The following TNFAIP8 variants were observed in gnomAD, a reference collection of about 807,000 sequenced individuals.
TNFAIP8 encodes the protein tumor necrosis factor alpha-induced protein 8.
Under a neutral mutation model 13.3 loss-of-function variants are expected in TNFAIP8, and 7 were observed. That is an observed-to-expected ratio of 0.52 (90% confidence interval 0.30 to 0.99). The LOEUF (loss-of-function observed/expected upper bound fraction) is 0.99, where lower values mean the gene tolerates loss of function less well. Ranked by LOEUF, TNFAIP8 falls within the 50% of genes least tolerant of loss-of-function variation. TNFAIP8 has a pLI of 0.07. For synonymous variants in TNFAIP8, 94 were observed against 87.6 expected (o/e 1.07, Z -0.41); for missense variants, 258 against 236.9 (o/e 1.09, Z -0.58).
chr5:119,364,550 G>A (rs918326759), intron 1 of TNFAIP8, among the ~76,000 whole-genome samples: 24 of 152,044 alleles, frequency 1.6e-4, no homozygotes, highest in African/African-American at 5.1e-4. Context: ...GTCTCACTTT[G>A]TTGCCTAGGC....
At chr5:119,383,052 GGGGACC>G (rs2112844176) in intron 1 of TNFAIP8, among the ~76,000 whole-genome samples, 1 of 152,298 alleles carries the variant, frequency 6.6e-6, no homozygotes, top group African/African-American at 2.4e-5. Flanking sequence ...CATCTCCAAA[GGGGACC>G]TTTGTGTACA....
intron 1 of TNFAIP8, among the ~76,000 whole-genome samples, chr5:119,350,427 G>A (rs531565971): frequency 2.0e-5 from 3 of 152,146 alleles, no homozygotes; most frequent in African/African-American, 7.2e-5. Flanking sequence ...GTATCCTCAA[G>A]GGTCTTGGAA....
intron 1 of TNFAIP8, among the ~76,000 whole-genome samples, chr5:119,322,895 A>T (rs187127307): frequency 1.1e-4 from 16 of 152,220 alleles, no homozygotes; most frequent in African/African-American, 3.6e-4. Context: ...ATGTTCTTTG[A>T]TGTCTCATAG....
rs1311818034 is a variant in TNFAIP8 at position 119,294,913 on chromosome 5, T to A, written c.1+26006T>A. On this transcript the variant is annotated intron_variant, in intron 1 of 1. Transcript: ENST00000274456. ...GATTGTTTTTCTCTTGTAAATTTGT[T>A]TGAGTTCATTGTAGATTCTGGATAT... is the stretch of plus-strand genomic sequence containing the variant. 8.6e-4 allele frequency among the ~76,000 whole-genome samples: 130 copies of A among 151,906 alleles called. 1 individual carries two copies. The highest frequency in any genetic ancestry group is 4.2e-4 in the South Asian group (2 of 4,810).
At position 119,388,742 on chromosome 5, in the gene TNFAIP8, G is replaced by A. The variant is rs561789178; in HGVS notation, c.32-4074G>A. ...CAGCTCTGTAGCCTTGAACTCCTGG[G>A]CTCGGGCAGTCCTCCCACCTCAGCC... On this transcript the variant is annotated intron_variant, in intron 1 of 1. Transcript: ENST00000504771. 1.1e-4 allele frequency among the ~76,000 whole-genome samples: 16 copies of A among 152,084 alleles called. 1 individual carries two copies. In the South Asian group the frequency reaches 2.3e-3, roughly 22 times the overall value.
intron 1 of TNFAIP8, among the ~76,000 whole-genome samples, chr5:119,336,706 TAATA>T (rs1378662450): frequency 1.3e-5 from 2 of 152,228 alleles, no homozygotes; most frequent in Non-Finnish European, 1.5e-5. Context: ...TATTTGGATA[TAATA>T]AATATAAAAT....
chr5:119,279,910 C>A (rs954237970), intron 1 of TNFAIP8, among the ~76,000 whole-genome samples: 4 of 152,052 alleles, frequency 2.6e-5, no homozygotes, highest in African/African-American at 9.7e-5. Context: ...AAACAGTGTT[C>A]GTAAGATGCT....
intron 1 of TNFAIP8, among the ~76,000 whole-genome samples, chr5:119,330,608 T>C (rs1750347442): frequency 6.6e-6 from 1 of 152,078 alleles, no homozygotes; most frequent in African/African-American, 2.4e-5. Flanking sequence ...GCTCTGACAC[T>C]CGCTTTGGAA....
chr5:119,274,268 C>T (rs1005362721), intron 1 of TNFAIP8, among the ~76,000 whole-genome samples: 4 of 152,198 alleles, frequency 2.6e-5, no homozygotes, highest in African/African-American at 7.2e-5. Flanking sequence ...AAACTTTGGT[C>T]ACGTAAATCT....
intron 1 of TNFAIP8, among the ~76,000 whole-genome samples, chr5:119,299,438 G>C (rs977599021): frequency 1.2e-4 from 19 of 152,160 alleles, no homozygotes; most frequent in African/African-American, 4.3e-4. Flanking sequence ...CGTGAACCGC[G>C]AATGCTGCTG....
intron 1 of TNFAIP8, among the ~76,000 whole-genome samples, chr5:119,361,451 G>A (rs994328090): frequency 1.1e-4 from 17 of 152,154 alleles, no homozygotes; most frequent in African/African-American, 3.4e-4. Flanking sequence ...TTTGAAGATG[G>A]GGGAGGGGAG....
At chr5:119,269,002 C>T (rs1399914709) in intron 1 of TNFAIP8, 5 of 624,464 alleles carry the variant, frequency 8.0e-6, no homozygotes, top group Non-Finnish European at 1.4e-5. Context: ...GCCTCCGGCT[C>T]AGAGAGTTTC....
upstream of TNFAIP8, chr5:119,355,694 A>G: frequency 3.2e-6 from 1 of 315,736 alleles, no homozygotes; most frequent in Non-Finnish European, 5.7e-6. Context: ...TTTTCTTTTT[A>G]TACCTTTTTT....
chr5:119,318,716 T>G (rs540857165), intron 1 of TNFAIP8, among the ~76,000 whole-genome samples: 1 of 116,272 alleles, frequency 8.6e-6, no homozygotes, highest in South Asian at 3.1e-4. Context: ...TTCCTGCCCC[T>G]CCTCCCCTTC....
chr5:119,308,328 T>G (rs890888374), intron 1 of TNFAIP8, among the ~76,000 whole-genome samples: 2 of 152,010 alleles, frequency 1.3e-5, no homozygotes, highest in Non-Finnish European at 2.9e-5. Context: ...CCCTCACATC[T>G]GTTTCTCTCT....
At chr5:119,280,894 A>G (rs936545874) in intron 1 of TNFAIP8, among the ~76,000 whole-genome samples, 1 of 150,402 alleles carries the variant, frequency 6.6e-6, no homozygotes, top group Non-Finnish European at 1.5e-5. Flanking sequence ...TTCTCAGAAG[A>G]TCACTGATTA....
intron 1 of TNFAIP8, among the ~76,000 whole-genome samples, chr5:119,362,441 T>C (rs1204225689): frequency 1.3e-5 from 2 of 152,186 alleles, no homozygotes; most frequent in Admixed American, 1.3e-4. Context: ...ATGACTTTGT[T>C]CCTGGTTGTC....
intron 1 of TNFAIP8, among the ~76,000 whole-genome samples, chr5:119,338,265 G>C (rs1262960455): frequency 2.0e-5 from 3 of 150,440 alleles, no homozygotes; most frequent in Non-Finnish European, 4.4e-5. Context: ...CTCCTGTCAG[G>C]CAGGCAGCCA....
intron 1 of TNFAIP8, among the ~76,000 whole-genome samples, chr5:119,386,515 GTGTTT>G (rs3033647): frequency 2.7e-5 from 4 of 150,938 alleles, no homozygotes; most frequent in East Asian, 2.0e-4. Flanking sequence ...AAAGAACCCA[GTGTTT>G]TGTTTTGTTT....
Sources: gnomAD v4.1 joint callset for allele counts (sites outside exome capture counted in the v4.1 genomes callset) on GRCh38, gnomAD v4.1.1 for gene constraint, MANE v1.5 for transcripts, NCBI Gene and HGNC (gene_info 2026-07-23, HGNC 2026-07-21) for gene names.